TRIM2: variants seen among roughly 807,000 people sequenced by gnomAD.
TRIM2 encodes the protein tripartite motif containing 2.
TRIM2 carries 20 observed loss-of-function variants against 75.2 expected under a neutral mutation model. The observed-to-expected ratio is 0.27, with a 90% CI of 0.19 to 0.39. The LOEUF (loss-of-function observed/expected upper bound fraction) is 0.39, where lower values mean the gene tolerates loss of function less well. Among genes scored for constraint, TRIM2 ranks in the 10% least tolerant of loss-of-function variants. The pLI is 1.00. For missense variants in TRIM2, 660 were observed against 990.8 expected, an observed-to-expected ratio of 0.67 and a Z score of 4.48; for synonymous variants, 373 against 388.3, an observed-to-expected ratio of 0.96 and a Z score of 0.46.
Position 153,338,238 on chromosome 4 carries a change from G to A in TRIM2, c.*3272G>A. 3 of 985,834 alleles carry A rather than the reference G, an allele frequency of 3.0e-6. No homozygotes were observed. Among genetic ancestry groups the A allele is most frequent in the Non-Finnish European group, 3.6e-6 (3 of 829,916 alleles). The allele number at this position is 985,834 out of a possible 1,614,324, so 61.1% of individuals were successfully genotyped here. A position where few individuals can be genotyped will look rare whatever the true frequency, so the allele number is the denominator to read the frequency against. On this transcript the variant is annotated 3_prime_UTR_variant, in exon 12 of 12. Transcript: ENST00000338700. Reference sequence around the variant, plus strand: ...TTAGCACTGACGGGTTAACAGAAATGCTTTGGTAATACCTACTTAGTTAAT... The same window carrying A: ...TTAGCACTGACGGGTTAACAGAAATACTTTGGTAATACCTACTTAGTTAAT...
At chr4:153,313,232 G>A (rs1766750798) in intron 6 of TRIM2, among the ~76,000 whole-genome samples, 6 of 152,088 alleles carry the variant, frequency 3.9e-5, no homozygotes, top group Admixed American at 3.9e-4. Flanking sequence ...GATTCTATGT[G>A]GGTCGTGTAT....
intron 1 of TRIM2, among the ~76,000 whole-genome samples, chr4:153,232,434 G>C (rs899377143): frequency 6.6e-6 from 1 of 152,220 alleles, no homozygotes; most frequent in Non-Finnish European, 1.5e-5. Context: ...GGGAGGCAGA[G>C]GTTGCAGTGA....
intron 6 of TRIM2, among the ~76,000 whole-genome samples, chr4:153,299,826 G>A (rs574521477): frequency 6.6e-6 from 1 of 152,064 alleles, no homozygotes; most frequent in South Asian, 2.1e-4. Context: ...CACCACTCTG[G>A]CTCATACCTG....
intron 1 of TRIM2, among the ~76,000 whole-genome samples, chr4:153,159,221 C>A (rs1368781830): frequency 6.6e-6 from 1 of 151,864 alleles, no homozygotes; most frequent in African/African-American, 2.4e-5. Context: ...TACGAAGCCA[C>A]CCTATGGTGG....
At chr4:153,237,076 G>A (rs1745227822) in intron 1 of TRIM2, among the ~76,000 whole-genome samples, 2 of 152,080 alleles carry the variant, frequency 1.3e-5, no homozygotes, top group African/African-American at 2.4e-5. Flanking sequence ...AGTGTTTGAG[G>A]AAACAAATAG....
chr4:153,220,684 A>G (rs1739713028), intron 1 of TRIM2, among the ~76,000 whole-genome samples: 1 of 152,014 alleles, frequency 6.6e-6, no homozygotes, highest in Non-Finnish European at 1.5e-5. Context: ...GTTTTGTTAT[A>G]TATATTTAAC....
intron 1 of TRIM2, among the ~76,000 whole-genome samples, chr4:153,221,884 A>AAGGAAGGGAAGG (rs1740306494): frequency 1.6e-5 from 1 of 61,288 alleles, no homozygotes; most frequent in Non-Finnish European, 3.0e-5. Flanking sequence ...GGGAAGGAGG[A>AAGGAAGGGAAGG]AGGAAGGAAG....
At chr4:153,221,899 GAGGAAGGA>G (rs1293240461) in intron 1 of TRIM2, among the ~76,000 whole-genome samples, 8 of 104,654 alleles carry the variant, frequency 7.6e-5, no homozygotes, top group East Asian at 9.1e-4. Flanking sequence ...AGGAAGGAGG[GAGGAAGGA>G]AGGGAGGGAG....
At chr4:153,319,696 C>T (rs1283851195) in intron 8 of TRIM2, among the ~76,000 whole-genome samples, 4 of 151,962 alleles carry the variant, frequency 2.6e-5, no homozygotes, top group Non-Finnish European at 5.9e-5. Flanking sequence ...CGCCATTGCA[C>T]TCCAGCCTGG....
intron 2 of TRIM2, among the ~76,000 whole-genome samples, chr4:153,272,171 T>A (rs1282841464): frequency 6.6e-6 from 1 of 152,144 alleles, no homozygotes; most frequent in Admixed American, 6.5e-5. Flanking sequence ...AATTTTGAGA[T>A]GGAGTCGCAC....
intron 1 of TRIM2, among the ~76,000 whole-genome samples, chr4:153,237,452 G>T (rs2149825280): frequency 6.6e-6 from 1 of 152,246 alleles, no homozygotes; most frequent in African/African-American, 2.4e-5. Flanking sequence ...AGGCTGAGGT[G>T]GGCGGATCAC....
Position 153,327,256 on chromosome 4 carries a change from G to A in TRIM2, c.2023-1274G>A, listed in dbSNP as rs191231665. Among the ~76,000 whole-genome samples the A allele has an allele frequency of 5.3e-4, 81 of 152,294 alleles. 1 individual carries two copies. Among genetic ancestry groups the A allele is most frequent in the African/African-American group, 1.9e-3 (78 of 41,568 alleles). On this transcript the variant is annotated intron_variant, in intron 10 of 11. Transcript: ENST00000338700. ...GGCAAGTACGTAATGAATTCAGGAAGTAGCCATGACTCTTTCTTTTTTATC... is the reference window on the plus strand; with the variant it reads ...GGCAAGTACGTAATGAATTCAGGAAATAGCCATGACTCTTTCTTTTTTATC...
chr4:153,173,799 A>G (rs1184543518), intron 1 of TRIM2, among the ~76,000 whole-genome samples: 2 of 149,994 alleles, frequency 1.3e-5, no homozygotes, highest in Non-Finnish European at 1.5e-5. Flanking sequence ...AAACCCCATC[A>G]CTACTAAAAA....
At chr4:153,243,527 T>C (rs142980171) in intron 1 of TRIM2, among the ~76,000 whole-genome samples, 33 of 152,280 alleles carry the variant, frequency 2.2e-4, no homozygotes, top group Non-Finnish European at 8.8e-5. Flanking sequence ...GTAATAGACT[T>C]GCTTTCTTTC....
At chr4:153,272,743 T>C (rs967182391) in intron 2 of TRIM2, among the ~76,000 whole-genome samples, 1 of 152,160 alleles carries the variant, frequency 6.6e-6, no homozygotes, top group Non-Finnish European at 1.5e-5. Flanking sequence ...AGTGTTGGGC[T>C]TACAGGCGTG....
At chr4:153,217,787 G>A (rs1267859957) in intron 1 of TRIM2, among the ~76,000 whole-genome samples, 1 of 152,174 alleles carries the variant, frequency 6.6e-6, no homozygotes. Flanking sequence ...ATGGCAGGAT[G>A]TTCACACAGT....
At chr4:153,313,627 C>CTTTTTTTTTTTTTTTTT (rs398051309) in intron 6 of TRIM2, among the ~76,000 whole-genome samples, 2 of 98,528 alleles carry the variant, frequency 2.0e-5, no homozygotes, top group African/African-American at 9.0e-5. Context: ...AGCAATGGCT[C>CTTTTTTTTTTTTTTTTT]TTTTTTTTTT....
chr4:153,154,928 T>C (rs1418909327), intron 1 of TRIM2, among the ~76,000 whole-genome samples: 1 of 152,100 alleles, frequency 6.6e-6, no homozygotes. Context: ...TTACCTGAGG[T>C]CAGGAGTTCA....
At chr4:153,280,384 C>CTTTTTTT (rs3048122) in intron 3 of TRIM2, among the ~76,000 whole-genome samples, 21,443 of 116,220 alleles carry the variant, frequency 0.18, 2,711 homozygotes, top group South Asian at 0.27. Context: ...CAGCAAATTC[C>CTTTTTTT]TTTTTTTTTT....
Sources: allele counts gnomAD v4.1 joint callset (sites outside exome capture counted in the v4.1 genomes callset), GRCh38; gene constraint gnomAD v4.1.1; transcripts MANE v1.5; gene names NCBI Gene and HGNC (gene_info 2026-07-23, HGNC 2026-07-21).